The following DCP2 variants were observed in gnomAD, a reference collection of about 807,000 sequenced individuals.
DCP2 encodes decapping mRNA 2.
DCP2 carries 30 observed loss-of-function variants against 56.1 expected under a neutral mutation model. The ratio of observed to expected loss-of-function variants is 0.53; its 90% CI spans 0.40 to 0.73. The LOEUF is 0.73. Among genes scored for constraint, DCP2 ranks in the 30% least tolerant of loss-of-function variants. The pLI, the probability that DCP2 is intolerant of heterozygous loss-of-function variation, is 0.00. For missense variants in DCP2, 533 were observed against 502.7 expected (o/e 1.06, Z -0.58); for synonymous variants, 197 against 163.3 (o/e 1.21, Z -1.57).
At chr5:112,996,907 C>G (rs1748882629) in intron 4 of DCP2, among the ~76,000 whole-genome samples, 1 of 152,062 alleles carries the variant, frequency 6.6e-6, no homozygotes, top group Non-Finnish European at 1.5e-5. Flanking sequence ...ACATTTTATT[C>G]CATAAAATAA....
intron 3 of DCP2, among the ~76,000 whole-genome samples, 182 bp from the exon 4 acceptor site, chr5:112,992,490 G>A (rs890072156): frequency 6.6e-6 from 1 of 151,784 alleles, no homozygotes; most frequent in African/African-American, 2.4e-5. Context: ...TTTTTAAATG[G>A]GCAGAATGCT....
At chr5:112,994,163 CT>C (rs771514208) in intron 4 of DCP2, among the ~76,000 whole-genome samples, 3,915 of 75,194 alleles carry the variant, frequency 0.052, 119 homozygotes, top group African/African-American at 0.13. Context: ...TTTTTTCTTT[CT>C]TTTTTTTTTT....
At chr5:112,981,871 A>G (rs189235609) in intron 1 of DCP2, among the ~76,000 whole-genome samples, 140 of 152,262 alleles carry the variant, frequency 9.2e-4, no homozygotes, top group African/African-American at 3.2e-3. Context: ...CCTGGGTTCA[A>G]GCGATTCTCC....
chr5:112,977,948 G>GTT (rs113967618), intron 1 of DCP2, among the ~76,000 whole-genome samples: 1 of 151,330 alleles, frequency 6.6e-6, no homozygotes, highest in African/African-American at 2.4e-5. Flanking sequence ...TGTTTGTGGA[G>GTT]TTTTTTGGGG....
chr5:113,019,597 C>A lies in DCP2; in HGVS notation c.*6113C>A, dbSNP rs1052381674. ...GGACAGGAGACAGCTAACCTGACTT[C>A]CATTTTACAAATATTAGAAACTTTT... On this transcript the variant is annotated 3_prime_UTR_variant, in exon 11 of 11. Transcript: ENST00000389063. 1 of 152,116 alleles carries A rather than the reference C, an allele frequency of 6.6e-6. No individual in the cohort carries two copies. The highest frequency in any genetic ancestry group is 2.4e-5 in the African/African-American group (1 of 41,442). The allele number at this position is 152,116 out of a possible 1,614,324, so 9.4% of individuals were successfully genotyped here.
rs1749833169 is a variant in DCP2 at position 113,015,132 on chromosome 5, A to T, written c.*1648A>T. 4 of 152,590 alleles carry T rather than the reference A, an allele frequency of 2.6e-5. No individual in the cohort carries two copies. Among genetic ancestry groups the T allele is most frequent in the African/African-American group, 9.7e-5 (4 of 41,446 alleles). 9.5% of individuals were successfully genotyped at this position (152,590 alleles called of 1,614,324 possible). Reference sequence around the variant, plus strand: ...TTGAATCCTGTGACTTTTGCTTTTTAATGCATTATATGATTGTGTTTGGAA... The same window carrying T: ...TTGAATCCTGTGACTTTTGCTTTTTTATGCATTATATGATTGTGTTTGGAA... On this transcript the variant is annotated 3_prime_UTR_variant, in exon 11 of 11. Coordinates refer to ENST00000389063, the MANE Select transcript of DCP2 (RefSeq NM_152624.6).
intron 8 of DCP2, among the ~76,000 whole-genome samples, chr5:113,006,804 A>C (rs879861324): frequency 6.6e-6 from 1 of 152,198 alleles, no homozygotes. Context: ...AAACTATTGC[A>C]TGTCTAAGTT....
chr5:112,981,597 G>C (rs1371292796), intron 1 of DCP2, among the ~76,000 whole-genome samples: 1 of 152,178 alleles, frequency 6.6e-6, no homozygotes, highest in African/African-American at 2.4e-5. Flanking sequence ...TCAGCGGCTA[G>C]TTTCTTTTCC....
At chr5:112,998,335 A>C (rs1486979464) in intron 4 of DCP2, among the ~76,000 whole-genome samples, 7 of 152,132 alleles carry the variant, frequency 4.6e-5, no homozygotes, top group Admixed American at 4.6e-4. Flanking sequence ...ACTCCTATTT[A>C]TCTTTTAAGT....
At chr5:112,978,910 T>G in intron 1 of DCP2, among the ~76,000 whole-genome samples, 1 of 152,300 alleles carries the variant, frequency 6.6e-6, no homozygotes, top group South Asian at 2.1e-4. Flanking sequence ...GAAAAAGATG[T>G]GGTAATCTTA....
At chr5:113,005,151 G>GGTGTGGGTGTGTGT (rs1554101205) in intron 8 of DCP2, among the ~76,000 whole-genome samples, 71 of 149,524 alleles carry the variant, frequency 4.7e-4, no homozygotes, top group African/African-American at 1.7e-3. Flanking sequence ...TGTGCGTGTG[G>GGTGTGGGTGTGTGT]GTGTGTGTGT....
At chr5:112,984,392 GT>G (rs1277814973) in intron 1 of DCP2, 2 of 152,070 alleles carry the variant, frequency 1.3e-5, no homozygotes. Flanking sequence ...TTTGACTTGA[GT>G]TGTATATACT....
intron 10 of DCP2, among the ~76,000 whole-genome samples, chr5:113,011,483 G>T (rs1369253779): frequency 6.6e-6 from 1 of 152,130 alleles, no homozygotes; most frequent in Non-Finnish European, 1.5e-5. Flanking sequence ...GTGCTATTTT[G>T]AATTGTATGA....
intron 9 of DCP2, among the ~76,000 whole-genome samples, chr5:113,008,572 A>C (rs139656811): frequency 6.6e-6 from 1 of 152,270 alleles, no homozygotes; most frequent in African/African-American, 2.4e-5. Context: ...AAGTTCTGAT[A>C]TTTGTATATT....
At chr5:113,011,809 T>C (rs988964350) in intron 10 of DCP2, among the ~76,000 whole-genome samples, 8 of 152,184 alleles carry the variant, frequency 5.3e-5, no homozygotes, top group South Asian at 2.1e-4. Flanking sequence ...AGAGCTTTTT[T>C]CCCTGTTTTC....
rs1750004353 is a variant in DCP2, at chr5:113,019,048, T to C, written c.*5564T>C. 6.6e-6 allele frequency: 1 copy of C among 152,212 alleles called. No homozygotes were observed. Among genetic ancestry groups the C allele is most frequent in the South Asian group, 2.1e-4 (1 of 4,828 alleles). 9.4% of individuals were successfully genotyped at this position (152,212 alleles called of 1,614,324 possible). ...CTGGTCCTCAGTCTTTGAGAGGTCT[T>C]AGGCAACATCCTTAGTATAGTGGAA... On this transcript the variant is annotated 3_prime_UTR_variant, in exon 11 of 11. Coordinates refer to ENST00000389063, the MANE Select transcript of DCP2 (RefSeq NM_152624.6).
intron 2 of DCP2, among the ~76,000 whole-genome samples, chr5:112,990,087 C>A (rs137922564): frequency 6.6e-6 from 1 of 152,094 alleles, no homozygotes; most frequent in Non-Finnish European, 1.5e-5. Flanking sequence ...ACATGTAAAT[C>A]GTTTACTTGG....
At chr5:112,977,645 G>A (rs1277231326) in intron 1 of DCP2, among the ~76,000 whole-genome samples, 3 of 152,024 alleles carry the variant, frequency 2.0e-5, no homozygotes, top group Non-Finnish European at 4.4e-5. Context: ...TCTCAACCGC[G>A]GGGTTTTAAC....
At position 112,977,012 on chromosome 5, in the gene DCP2, G is replaced by A. The variant is rs752006738; in HGVS notation, c.53+26G>A. On this transcript the variant is annotated intron_variant, in intron 1 of 10. Transcript: ENST00000389063. ...GTACCGCGCTACCCGACCCCCTTTC[G>A]CCCCCGTCGGGTTTTCTCAGTTTCG... 34 of 1,482,062 alleles carry A rather than the reference G, an allele frequency of 2.3e-5. No homozygotes were observed. In the Middle Eastern group the frequency reaches 5.4e-4, roughly 24 times the overall value. 91.8% of individuals were successfully genotyped at this position (1,482,062 alleles called of 1,614,324 possible).
Sources: allele counts gnomAD v4.1 joint callset (sites outside exome capture counted in the v4.1 genomes callset), GRCh38; gene constraint gnomAD v4.1.1; transcripts MANE v1.5; gene names NCBI Gene and HGNC (gene_info 2026-07-23, HGNC 2026-07-21).